TMEM116: variants seen among roughly 807,000 people sequenced by gnomAD.
TMEM116 encodes the protein transmembrane protein 116.
Under a neutral mutation model 44.3 loss-of-function variants are expected in TMEM116, and 38 were observed. That is an observed-to-expected ratio of 0.86 (90% CI 0.66 to 1.12). The LOEUF (loss-of-function observed/expected upper bound fraction) is 1.12, where lower values mean the gene tolerates loss of function less well. Among genes scored for constraint, TMEM116 ranks in the 50% most tolerant of loss-of-function variants. The probability of loss-of-function intolerance (pLI) is 0.00; values close to 1 mark genes in which losing one functional copy is unlikely to be tolerated. For missense variants in TMEM116, 354 were observed against 401.7 expected (o/e 0.88, Z 1.01); for synonymous variants, 132 against 144.8 (o/e 0.91, Z 0.64).
chr12:111,977,886 A>C (rs1166881976), intron 4 of TMEM116, among the ~76,000 whole-genome samples: 1 of 152,106 alleles, frequency 6.6e-6, no homozygotes, highest in East Asian at 1.9e-4. Context: ...GGAGTAACTA[A>C]AAACTATACT....
intron 4 of TMEM116, among the ~76,000 whole-genome samples, chr12:111,969,196 TG>T (rs1333944695): frequency 6.6e-6 from 1 of 150,994 alleles, no homozygotes; most frequent in Non-Finnish European, 1.5e-5. Flanking sequence ...GGTGCATGCC[TG>T]TAATCCCAGC....
chr12:112,003,598 G>A, intron 3 of TMEM116: 2 of 565,286 alleles, frequency 3.5e-6, no homozygotes, highest in South Asian at 3.0e-5. Flanking sequence ...TAATCTCTCA[G>A]AATTCAAAGT....
At chr12:111,994,118 A>G (rs1307919429) in intron 3 of TMEM116, among the ~76,000 whole-genome samples, 1 of 152,234 alleles carries the variant, frequency 6.6e-6, no homozygotes, top group Non-Finnish European at 1.5e-5. Context: ...AAGAACGTAC[A>G]AAAGGAACTT....
intron 4 of TMEM116, among the ~76,000 whole-genome samples, chr12:111,968,862 G>A (rs140753592): frequency 0.012 from 1,798 of 151,322 alleles, 39 homozygotes; most frequent in African/African-American, 0.042. Flanking sequence ...GGGTGGTGGC[G>A]GGCACCTGTA....
chr12:111,996,494 T>A (rs746717592), intron 3 of TMEM116, among the ~76,000 whole-genome samples: 1 of 152,018 alleles, frequency 6.6e-6, no homozygotes, highest in East Asian at 1.9e-4. Flanking sequence ...AGAAAATAAT[T>A]ACACACCCAT....
intron 4 of TMEM116, among the ~76,000 whole-genome samples, chr12:111,982,842 A>C (rs1230065088): frequency 6.6e-6 from 1 of 152,232 alleles, no homozygotes; most frequent in East Asian, 1.9e-4. Flanking sequence ...GCTCCAATAC[A>C]GAACCAATCT....
chr12:111,996,205 T>G (rs1821809198), intron 3 of TMEM116, among the ~76,000 whole-genome samples: 1 of 150,914 alleles, frequency 6.6e-6, no homozygotes, highest in African/African-American at 2.4e-5. Flanking sequence ...AAAGAAATAA[T>G]GAAAAAAATC....
chr12:111,992,156 C>T (rs1396726501), intron 3 of TMEM116, among the ~76,000 whole-genome samples: 1 of 151,898 alleles, frequency 6.6e-6, no homozygotes, highest in Admixed American at 6.6e-5. Context: ...CAGGGACACT[C>T]CTTTCTTAGG....
intron 4 of TMEM116, among the ~76,000 whole-genome samples, chr12:111,958,277 T>TAAAAAAAAAAAAAA (rs61637468): frequency 1.8e-4 from 5 of 27,520 alleles, no homozygotes; most frequent in South Asian, 1.2e-3. Context: ...CAATAAATAC[T>TAAAAAAAAAAAAAA]AAAAAAAAAA....
At chr12:111,940,845 G>A (rs1247833890) in intron 5 of TMEM116, among the ~76,000 whole-genome samples, 1 of 152,024 alleles carries the variant, frequency 6.6e-6, no homozygotes, top group Non-Finnish European at 1.5e-5. Context: ...ACTTGTGGCT[G>A]AATAAGTCTC....
At chr12:111,991,117 G>C (rs766253715) in intron 4 of TMEM116, among the ~76,000 whole-genome samples, 28 of 151,106 alleles carry the variant, frequency 1.9e-4, no homozygotes, top group Non-Finnish European at 3.7e-4. Context: ...TACTCAGGAG[G>C]CTGAGGCAAG....
At chr12:111,965,761 TAAA>T (rs59183823) in intron 4 of TMEM116, 7 of 331,544 alleles carry the variant, frequency 2.1e-5, no homozygotes, top group East Asian at 1.2e-4. Context: ...CCGTCTCCCC[TAAA>T]AAAAAAAATA....
At chr12:111,967,642 T>C (rs1279181935) in intron 4 of TMEM116, among the ~76,000 whole-genome samples, 1 of 152,072 alleles carries the variant, frequency 6.6e-6, no homozygotes, top group African/African-American at 2.4e-5. Flanking sequence ...CTAACAACTA[T>C]AATAATAAAC....
chr12:111,981,932 A>C (rs1221500663), intron 4 of TMEM116, among the ~76,000 whole-genome samples: 1 of 152,222 alleles, frequency 6.6e-6, no homozygotes, highest in Non-Finnish European at 1.5e-5. Flanking sequence ...AGCCAGGCAC[A>C]GAAAGACAAA....
intron 4 of TMEM116, among the ~76,000 whole-genome samples, chr12:111,971,839 C>T (rs1410215757): frequency 6.6e-6 from 1 of 152,090 alleles, no homozygotes; most frequent in Non-Finnish European, 1.5e-5. Context: ...CTTTGAAAGG[C>T]TCACTTGTGT....
chr12:111,938,131 C>G (rs768281243), intron 6 of TMEM116, 30 bp downstream of exon 6: 2 of 1,525,686 alleles, frequency 1.3e-6, no homozygotes, highest in Non-Finnish European at 1.8e-6. Context: ...AGAGTCTACA[C>G]CTCGCTAAGA....
At chr12:111,960,531 A>C (rs2136382767) in intron 4 of TMEM116, among the ~76,000 whole-genome samples, 1 of 150,930 alleles carries the variant, frequency 6.6e-6, no homozygotes, top group African/African-American at 2.4e-5. Context: ...AACTCACTCA[A>C]ACCACACAAC....
intron 3 of TMEM116, 134 bp downstream of exon 3, chr12:112,003,666 T>G: frequency 7.8e-7 from 1 of 1,285,094 alleles, no homozygotes; most frequent in Non-Finnish European, 1.0e-6. Flanking sequence ...GCCAAAAATA[T>G]CTCATTGTAT....
intron 2 of TMEM116, among the ~76,000 whole-genome samples, chr12:112,004,457 TA>T (rs1289997465): frequency 1.3e-5 from 2 of 152,034 alleles, no homozygotes; most frequent in Non-Finnish European, 2.9e-5. Flanking sequence ...GCTAATGTTT[TA>T]AAATTTTTTG....
Sources: gnomAD v4.1 joint callset for allele counts (sites outside exome capture counted in the v4.1 genomes callset) on GRCh38, gnomAD v4.1.1 for gene constraint, MANE v1.5 for transcripts, NCBI Gene and HGNC (gene_info 2026-07-23, HGNC 2026-07-21) for gene names.